LARS2: variants seen among roughly 807,000 people sequenced by gnomAD.
LARS2 encodes leucine--tRNA ligase, mitochondrial.
LARS2 carries 81 observed loss-of-function variants against 116.6 expected under a neutral mutation model. The observed-to-expected ratio is 0.69, with a 90% CI of 0.58 to 0.84. The LOEUF (loss-of-function observed/expected upper bound fraction) is 0.84. Ranked by LOEUF, LARS2 falls within the 40% of genes least tolerant of loss-of-function variation. LARS2 has a pLI of 0.00. For synonymous variants in LARS2, 396 were observed against 407.2 expected, an observed-to-expected ratio of 0.97 and a Z score of 0.33; for missense variants, 968 against 1,114.5, an observed-to-expected ratio of 0.87 and a Z score of 1.87.
intron 15 of LARS2, chr3:45,509,480 C>T (rs1700250523): frequency 6.6e-6 from 1 of 152,114 alleles, no homozygotes; most frequent in South Asian, 2.1e-4. Flanking sequence ...CACCTTGCGC[C>T]TCCAAATCAC....
chr3:45,426,128 G>T (rs919802764), intron 6 of LARS2, among the ~76,000 whole-genome samples: 1 of 152,112 alleles, frequency 6.6e-6, no homozygotes, highest in African/African-American at 2.4e-5. Flanking sequence ...TTCAAAGCCC[G>T]TACTACCTTG....
intron 12 of LARS2, among the ~76,000 whole-genome samples, chr3:45,490,729 C>T (rs998802369): frequency 3.3e-5 from 5 of 152,206 alleles, no homozygotes; most frequent in African/African-American, 7.2e-5. Context: ...GAGCCCAGCA[C>T]GTATAGATGC....
intron 3 of LARS2, among the ~76,000 whole-genome samples, chr3:45,397,856 A>G (rs1284891881): frequency 6.6e-6 from 1 of 152,242 alleles, no homozygotes; most frequent in African/African-American, 2.4e-5. Flanking sequence ...CGACTTGCTC[A>G]TAAGCTGAGA....
chr3:45,403,112 CAAAAA>C (rs1160287597), intron 4 of LARS2, among the ~76,000 whole-genome samples: 2 of 85,406 alleles, frequency 2.3e-5, no homozygotes, highest in Non-Finnish European at 4.1e-5. Context: ...TCTCCAAAGA[CAAAAA>C]AAAAAAAAAA....
At chr3:45,522,859 C>T (rs1042215612) in intron 19 of LARS2, among the ~76,000 whole-genome samples, 6 of 151,748 alleles carry the variant, frequency 4.0e-5, no homozygotes, top group Admixed American at 2.6e-4. Context: ...CGAGACCAGC[C>T]TGAGCAATAT....
At chr3:45,459,704 G>A (rs1699280805) in intron 8 of LARS2, among the ~76,000 whole-genome samples, 1 of 152,196 alleles carries the variant, frequency 6.6e-6, no homozygotes, top group Non-Finnish European at 1.5e-5. Context: ...TCAAGGTGCT[G>A]GAGTTGAGGG....
intron 6 of LARS2, among the ~76,000 whole-genome samples, chr3:45,423,306 TTTCA>T (rs1698543396): frequency 6.6e-6 from 1 of 152,094 alleles, no homozygotes; most frequent in Admixed American, 6.6e-5. Context: ...TAATTTACTG[TTTCA>T]TTGTTTTTGT....
At chr3:45,468,301 A>G (rs9845845) in intron 8 of LARS2, among the ~76,000 whole-genome samples, 2,764 of 152,220 alleles carry the variant, frequency 0.018, 72 homozygotes, top group African/African-American at 0.059. Context: ...GATGGCTGTT[A>G]CCATTTTGTT....
intron 10 of LARS2, among the ~76,000 whole-genome samples, chr3:45,478,992 T>G (rs1001816527): frequency 3.3e-5 from 5 of 152,224 alleles, no homozygotes; most frequent in African/African-American, 1.2e-4. Flanking sequence ...CACCTCATTT[T>G]TTTTCATTGA....
intron 3 of LARS2, among the ~76,000 whole-genome samples, chr3:45,396,725 C>G (rs371782142): frequency 8.7e-4 from 132 of 152,278 alleles, no homozygotes; most frequent in African/African-American, 3.0e-3. Context: ...AACAACCCAG[C>G]GGGTAGGTAT....
intron 13 of LARS2, 133 bp downstream of exon 13, chr3:45,491,933 CTG>C (rs1275214997): frequency 2.3e-5 from 20 of 866,790 alleles, no homozygotes; most frequent in Non-Finnish European, 3.3e-5. Flanking sequence ...GGAAAGAACA[CTG>C]TGGGTCTTTG....
At chr3:45,432,232 C>T (rs1034532351) in intron 6 of LARS2, among the ~76,000 whole-genome samples, 2 of 152,082 alleles carry the variant, frequency 1.3e-5, no homozygotes, top group Admixed American at 6.6e-5. Flanking sequence ...GTACCCCACT[C>T]TCAATGGATA....
intron 15 of LARS2, among the ~76,000 whole-genome samples, chr3:45,501,810 C>T (rs899008241): frequency 2.0e-5 from 3 of 149,664 alleles, no homozygotes; most frequent in Non-Finnish European, 3.0e-5. Context: ...ATGAGGGATC[C>T]GATCACTCTA....
At position 45,503,978 on chromosome 3, in the gene LARS2, G is replaced by C. The variant is rs146465229; in HGVS notation, c.1760+3399G>C. ...CCCCACGTGTGTTTTTATTGATATA[G>C]TCATTTTAAATGTTGCTTATATTGC... On this transcript the variant is annotated intron_variant, in intron 15 of 21. Coordinates refer to ENST00000645846, the MANE Select transcript of LARS2 (RefSeq NM_015340.4). 9.8e-4 allele frequency among the ~76,000 whole-genome samples: 149 copies of C among 152,014 alleles called. 1 individual carries two copies. Among genetic ancestry groups the C allele is most frequent in the African/African-American group, 3.4e-3 (142 of 41,500 alleles).
intron 10 of LARS2, 75 bp downstream of exon 10, chr3:45,476,702 G>T: frequency 6.7e-7 from 1 of 1,497,954 alleles, no homozygotes; most frequent in African/African-American, 1.4e-5. Flanking sequence ...AGAGTTCAAG[G>T]TCCTTTCCTC....
At position 45,394,357 on chromosome 3, in the gene LARS2, A is replaced by T. The variant is rs704923; in HGVS notation, c.-21-76A>T. 61,629 of 767,558 alleles carry T rather than the reference A, an allele frequency of 0.08. 5,034 individuals are homozygous for T. Among genetic ancestry groups the T allele is most frequent in the African/African-American group, 0.35 (20,307 of 57,688 alleles). The allele number at this position is 767,558 out of a possible 1,614,324, so 47.5% of individuals were successfully genotyped here. On this transcript the variant is annotated intron_variant, in intron 2 of 21. Transcript: ENST00000645846. ...GGAAAGCACAGGGCCAGAACACTGG[A>T]CTGTGCCAAATGGAAAGATAAGCTC...
chr3:45,527,516 C>G (rs1252983953), intron 20 of LARS2, among the ~76,000 whole-genome samples: 1 of 151,580 alleles, frequency 6.6e-6, no homozygotes, highest in Non-Finnish European at 1.5e-5. Flanking sequence ...CCCAGCTACT[C>G]GAGAGGCTGA....
At chr3:45,500,765 T>C (rs1209244644) in intron 15 of LARS2, among the ~76,000 whole-genome samples, 186 bp downstream of exon 15, 1 of 152,218 alleles carries the variant, frequency 6.6e-6, no homozygotes, top group Non-Finnish European at 1.5e-5. Flanking sequence ...TGGCATGTGA[T>C]GTTGCATGCT....
intron 14 of LARS2, among the ~76,000 whole-genome samples, chr3:45,499,255 A>G (rs1700076339): frequency 6.6e-6 from 1 of 152,220 alleles, no homozygotes. Context: ...CAGCCTGACC[A>G]ACATGGCAAA....
Sources: allele counts gnomAD v4.1 joint callset (sites outside exome capture counted in the v4.1 genomes callset), GRCh38; gene constraint gnomAD v4.1.1; transcripts MANE v1.5; gene names NCBI Gene and HGNC (gene_info 2026-07-23, HGNC 2026-07-21).